The following DHX36 variants were observed in gnomAD, a reference collection of about 807,000 sequenced individuals.
DHX36 encodes ATP-dependent DNA/RNA helicase DHX36.
Under a neutral mutation model 139.0 loss-of-function variants are expected in DHX36, and 50 were observed. The observed-to-expected ratio is 0.36, with a 90% confidence interval of 0.29 to 0.46. The LOEUF (loss-of-function observed/expected upper bound fraction) is 0.46, where lower values mean the gene tolerates loss of function less well. Among genes scored for constraint, DHX36 ranks in the 20% least tolerant of loss-of-function variants. DHX36 has a pLI of 1.00. For missense variants in DHX36, 1,024 were observed against 1,211.3 expected, an observed-to-expected ratio of 0.85 and a Z score of 2.29; for synonymous variants, 425 against 401.9, an observed-to-expected ratio of 1.06 and a Z score of -0.69.
At chr3:154,298,431 C>T (rs550542527) in intron 12 of DHX36, among the ~76,000 whole-genome samples, 1 of 152,164 alleles carries the variant, frequency 6.6e-6, no homozygotes, top group African/African-American at 2.4e-5. Flanking sequence ...AAAGTTATCA[C>T]ACAAAAAGAA....
At chr3:154,283,362 T>TTC in intron 19 of DHX36, 91 bp from the exon 20 acceptor site, 2 of 824,864 alleles carry the variant, frequency 2.4e-6, no homozygotes, top group Non-Finnish European at 4.0e-6. Context: ...AAGCTTAATA[T>TTC]TCTACTAATA....
chr3:154,299,522 T>C (rs1712183253), intron 12 of DHX36, among the ~76,000 whole-genome samples: 1 of 152,178 alleles, frequency 6.6e-6, no homozygotes, highest in Non-Finnish European at 1.5e-5. Flanking sequence ...GGTCTAGGTA[T>C]CTGAATCTTA....
chr3:154,285,186 C>T (rs1711509973), intron 17 of DHX36, among the ~76,000 whole-genome samples, 199 bp from the exon 18 acceptor site: 1 of 152,068 alleles, frequency 6.6e-6, no homozygotes. Context: ...TTAAACATAA[C>T]CAAAATTAAC....
Position 154,277,855 on chromosome 3 carries a change from A to C in DHX36, c.2568-137T>G, listed in dbSNP as rs1166720029. 3.8e-6 allele frequency: 3 copies of C among 787,668 alleles called. No homozygotes were observed. In the African/African-American group the frequency reaches 5.3e-5, roughly 14 times the overall value. The allele number at this position is 787,668 out of a possible 1,614,324, so 48.8% of individuals were successfully genotyped here. A position where few individuals can be genotyped will look rare whatever the true frequency, so the allele number is the denominator to read the frequency against. On this transcript the variant is annotated intron_variant, in intron 22 of 24. Coordinates refer to ENST00000496811, the MANE Select transcript of DHX36 (RefSeq NM_020865.3). ...CCGGAATCTAAAAAAATTCCAGAGAATAATTCAGTTTATTTTTGCAAAAAA... is the reference window on the plus strand; with the variant it reads ...CCGGAATCTAAAAAAATTCCAGAGACTAATTCAGTTTATTTTTGCAAAAAA...
intron 3 of DHX36, among the ~76,000 whole-genome samples, chr3:154,314,392 G>A (rs1468722812): frequency 6.6e-6 from 1 of 152,120 alleles, no homozygotes; most frequent in Non-Finnish European, 1.5e-5. Flanking sequence ...CTTTATCAAA[G>A]ACAGCAGTAT....
intron 8 of DHX36, among the ~76,000 whole-genome samples, chr3:154,304,049 AG>A (rs1208084404): frequency 6.6e-6 from 1 of 152,218 alleles, no homozygotes; most frequent in Non-Finnish European, 1.5e-5. Flanking sequence ...ACTCAATGTT[AG>A]TTCTAGAAGT....
rs373913213 is a variant in DHX36, at chr3:154,319,928, TTCC to T, written c.244-3768_244-3766del. 2.9e-3 allele frequency among the ~76,000 whole-genome samples: 440 copies of T among 152,254 alleles called. 1 individual carries two copies. Among genetic ancestry groups the T allele is most frequent in the African/African-American group, 0.01 (420 of 41,540 alleles). On this transcript the variant is annotated intron_variant, in intron 1 of 24. Transcript: ENST00000496811. Reference sequence around the variant, plus strand: ...CCTATCAGCTACGGCACTATTTTTCTTCCTCATCTTCACAGCAAAACTACTGGA... The same window carrying T: ...CCTATCAGCTACGGCACTATTTTTCTTCATCTTCACAGCAAAACTACTGGA...
intron 17 of DHX36, 30 bp downstream of exon 17, chr3:154,288,836 A>T: frequency 7.7e-7 from 1 of 1,306,856 alleles, no homozygotes; most frequent in Non-Finnish European, 1.1e-6. Context: ...ATTCTAAGTT[A>T]GAATTAAAAA....
At chr3:154,277,961 T>C in intron 22 of DHX36, 1 of 301,826 alleles carries the variant, frequency 3.3e-6, no homozygotes, top group Non-Finnish European at 6.1e-6. Flanking sequence ...ATTTAAATCA[T>C]GTAACTAATC....
rs115821971 is a variant in DHX36, at chr3:154,274,348, C to A, written c.*1823G>T. ...AAAACAAAACAAAACAAAAAACCAA[C>A]AAAAAACTAACAATATCCTATTAAA... On this transcript the variant is annotated 3_prime_UTR_variant, in exon 25 of 25. Coordinates refer to ENST00000496811, the MANE Select transcript of DHX36 (RefSeq NM_020865.3). 4,837 of 190,608 alleles carry A rather than the reference C, an allele frequency of 0.025. 88 individuals are homozygous for A. Among genetic ancestry groups the A allele is most frequent in the Non-Finnish European group, 0.039 (3,742 of 94,776 alleles). 11.8% of individuals were successfully genotyped at this position (190,608 alleles called of 1,614,324 possible). A position where few individuals can be genotyped will look rare whatever the true frequency, so the allele number is the denominator to read the frequency against.
intron 1 of DHX36, among the ~76,000 whole-genome samples, chr3:154,322,305 C>G (rs1200158376): frequency 6.6e-6 from 1 of 152,220 alleles, no homozygotes; most frequent in Non-Finnish European, 1.5e-5. Flanking sequence ...AGTGACATGA[C>G]TTCCAATCTG....
At chr3:154,296,821 G>A (rs377478174) in intron 12 of DHX36, among the ~76,000 whole-genome samples, 64 of 152,250 alleles carry the variant, frequency 4.2e-4, no homozygotes, top group African/African-American at 1.5e-3. Flanking sequence ...GAGATTTTAC[G>A]AATCTTAAAA....
chr3:154,302,938 A>T (rs569966045), intron 9 of DHX36, among the ~76,000 whole-genome samples: 1 of 152,262 alleles, frequency 6.6e-6, no homozygotes, highest in Admixed American at 6.5e-5. Flanking sequence ...TTAGCTGGGC[A>T]TGGTGGCACA....
At chr3:154,292,083 T>C (rs1711843728) in intron 15 of DHX36, among the ~76,000 whole-genome samples, 1 of 152,168 alleles carries the variant, frequency 6.6e-6, no homozygotes, top group Admixed American at 6.6e-5. Context: ...GCTCTGTAAT[T>C]TAGAAAGCTA....
intron 15 of DHX36, among the ~76,000 whole-genome samples, chr3:154,290,646 A>C (rs1295047600): frequency 1.3e-5 from 2 of 151,746 alleles, no homozygotes; most frequent in Non-Finnish European, 2.9e-5. Context: ...AAAAAAAAAA[A>C]AAAAAAACTA....
chr3:154,293,667 A>C (rs1711914774), intron 14 of DHX36, 81 bp downstream of exon 14: 5 of 1,037,660 alleles, frequency 4.8e-6, no homozygotes, highest in Non-Finnish European at 4.4e-6. Flanking sequence ...TGGTAGAGAA[A>C]AAAGATTAAG....
Position 154,292,707 on chromosome 3 carries a change from C to CAGAT in DHX36, c.1671-17_1671-14dup, listed in dbSNP as rs1553757806. On this transcript the variant is annotated splice_polypyrimidine_tract_variant and intron_variant, in intron 14 of 24. Transcript: ENST00000496811. The stretch of plus-strand genomic sequence containing the variant: ...ATCTATGGTAATGCTGTTTGGAAAA[C>CAGAT]AGATATATAAAATGTTAAAACACAC... The CAGAT allele has an allele frequency of 1.2e-6, 2 of 1,605,560 alleles. No individual in the cohort carries two copies. Among genetic ancestry groups the CAGAT allele is most frequent in the African/African-American group, 1.4e-5 (1 of 72,234 alleles).
At chr3:154,317,713 T>C (rs926613568) in intron 1 of DHX36, among the ~76,000 whole-genome samples, 2 of 152,058 alleles carry the variant, frequency 1.3e-5, no homozygotes, top group African/African-American at 4.8e-5. Context: ...TTTTGGTTTT[T>C]GAGGTTTGGT....
rs35550732 is a variant in DHX36, at chr3:154,275,978, G to GTATATATATA, written c.*183_*192dup. 6.4e-6 allele frequency: 2 copies of GTATATATATA among 311,344 alleles called. No homozygotes were observed. Among genetic ancestry groups the GTATATATATA allele is most frequent in the Non-Finnish European group, 1.1e-5 (2 of 177,052 alleles). The allele number at this position is 311,344 out of a possible 1,614,324, so 19.3% of individuals were successfully genotyped here. The stretch of plus-strand genomic sequence containing the variant: ...GATCAGAGAACATATTGCTTTTATG[G>GTATATATATA]TATATATATATATATATATATATCT... On this transcript the variant is annotated 3_prime_UTR_variant, in exon 25 of 25. Coordinates refer to ENST00000496811, the MANE Select transcript of DHX36 (RefSeq NM_020865.3).
Sources: gnomAD v4.1 joint callset for allele counts (sites outside exome capture counted in the v4.1 genomes callset) on GRCh38, gnomAD v4.1.1 for gene constraint, MANE v1.5 for transcripts, NCBI Gene and HGNC (gene_info 2026-07-23, HGNC 2026-07-21) for gene names.